WDR90: variants seen among roughly 807,000 people sequenced by gnomAD.
The protein encoded by WDR90 is WD repeat domain 90.
In WDR90, 238 loss-of-function variants were observed where a neutral mutation model predicts 195.2. The ratio of observed to expected loss-of-function variants is 1.22; its 90% confidence interval spans 1.10 to 1.36. The LOEUF (loss-of-function observed/expected upper bound fraction) is 1.36, where lower values mean the gene tolerates loss of function less well. Among genes scored for constraint, WDR90 ranks in the 40% most tolerant of loss-of-function variants. The pLI, the probability that WDR90 is intolerant of heterozygous loss-of-function variation, is 0.00. For synonymous variants in WDR90, 1,265 were observed against 1,052.4 expected (o/e 1.20, Z -3.91); for missense variants, 2,734 against 2,439.5 (o/e 1.12, Z -2.54).
chr16:652,112 T>G (rs1371514112), intron 9 of WDR90, 73 bp downstream of exon 9: 15 of 1,482,752 alleles, frequency 1.0e-5, no homozygotes, highest in African/African-American at 1.4e-5. Context: ...CGCCCCGAGA[T>G]GCATTCAGAA....
rs8062685 is a variant in WDR90, at chr16:661,582, C to G, written c.3674-15C>G. On this transcript the variant is annotated splice_polypyrimidine_tract_variant and intron_variant, in intron 30 of 40. Coordinates refer to ENST00000293879, the MANE Select transcript of WDR90 (RefSeq NM_145294.5). ...CATCTGTGCACCTGACGTGGCTGCTCTGTGTCCTTCCCAGGGGACCACGAT... is the reference window on the plus strand; with the variant it reads ...CATCTGTGCACCTGACGTGGCTGCTGTGTGTCCTTCCCAGGGGACCACGAT... The G allele has an allele frequency of 0.43, 672,868 of 1,580,892 alleles. 162,501 individuals are homozygous for G. Among genetic ancestry groups the G allele is most frequent in the East Asian group, 0.97 (43,308 of 44,424 alleles).
intron 20 of WDR90, 175 bp downstream of exon 20, chr16:657,396 G>C (rs1020720192): frequency 9.2e-7 from 1 of 1,085,932 alleles, no homozygotes; most frequent in African/African-American, 1.6e-5. Flanking sequence ...GTGGTTTAGC[G>C]TTCACTGGAC....
intron 28 of WDR90, 80 bp from the exon 29 acceptor site, chr16:660,971 C>CCT: frequency 7.0e-6 from 3 of 426,480 alleles, no homozygotes; most frequent in South Asian, 4.0e-5. Context: ...GCCCCGCCCC[C>CCT]TGTTCGGCCC....
chr16:651,207 G>T lies in WDR90; in HGVS notation c.677G>T (p.Ser226Ile). 1.2e-6 allele frequency: 2 copies of T among 1,613,200 alleles called. No homozygotes were observed. Among genetic ancestry groups the T allele is most frequent in the African/African-American group, 2.7e-5 (2 of 75,054 alleles). The change falls in exon 7 of 41, where the codon AGT becomes ATT. Residue 226 changes from serine (S) to isoleucine (I), a missense_variant. Transcript: ENST00000293879. ...TCCCTCTGCCTGCCAAGGTTTCCAA[G>T]TGAGAGCTTGAAAGTGCCTTCCAAG... ...HDRYIHVRFPSESLKVPSKPI... is the reference protein window; with the variant it reads ...HDRYIHVRFPIESLKVPSKPI...
At chr16:649,925 G>C in intron 2 of WDR90, 66 bp from the exon 3 acceptor site, 1 of 1,602,706 alleles carries the variant, frequency 6.2e-7, no homozygotes. Context: ...CCGCCCCCGA[G>C]GGCCCCCTCG....
At chr16:649,686 C>T (rs1351844530) in intron 1 of WDR90, 77 bp from the exon 2 acceptor site, 4 of 1,388,386 alleles carry the variant, frequency 2.9e-6, no homozygotes, top group Non-Finnish European at 3.8e-6. Context: ...GCCTGGTCCC[C>T]GAGGCCCGGC....
intron 19 of WDR90, 69 bp from the exon 20 acceptor site, chr16:657,022 G>T: frequency 1.3e-6 from 2 of 1,573,116 alleles, no homozygotes; most frequent in Non-Finnish European, 1.7e-6. Flanking sequence ...TGGTTGGCTG[G>T]AGGTCGAGGG....
At chr16:663,207 G>A (rs1041551114) in intron 34 of WDR90, 2 of 370,580 alleles carry the variant, frequency 5.4e-6, no homozygotes, top group Middle Eastern at 5.3e-4. Context: ...GGAGGCCAAG[G>A]CAGGTGGATC....
intron 9 of WDR90, 64 bp downstream of exon 9, chr16:652,103 G>T (rs73487423): frequency 6.7e-7 from 1 of 1,486,976 alleles, no homozygotes; most frequent in South Asian, 1.2e-5. Flanking sequence ...CTGGTAGCCC[G>T]CCCCGAGATG....
intron 17 of WDR90, 176 bp from the exon 18 acceptor site, chr16:656,126 G>C: frequency 1.3e-6 from 1 of 767,976 alleles, no homozygotes; most frequent in Non-Finnish European, 2.1e-6. Flanking sequence ...CCCTCAGCCT[G>C]GGTCCCGCCT....
Position 653,629 on chromosome 16 carries a change from G to T in WDR90, c.1338G>T (p.Leu446Phe). The change falls in exon 12 of 41, where the codon TTG (leucine) becomes TTT (phenylalanine). Residue 446 changes from leucine (L) to phenylalanine (F), a missense_variant. Transcript: ENST00000293879. The stretch of plus-strand genomic sequence containing the variant: ...GGGACTTCCAGACCGGGCGGTGCTT[G>T]TGCCTGTTCCGGAGCCCAATGCACG... The part of the protein sequence containing the change: ...RLWDFQTGRC[L>F]CLFRSPMHVV... 2 of 1,613,570 alleles carry T rather than the reference G, an allele frequency of 1.2e-6. No individual in the cohort carries two copies. Among genetic ancestry groups the T allele is most frequent in the South Asian group, 1.1e-5 (1 of 91,092 alleles).
chr16:658,718 C>G (rs1264412573), intron 23 of WDR90, 65 bp downstream of exon 23: 7 of 1,580,946 alleles, frequency 4.4e-6, no homozygotes, highest in Admixed American at 3.5e-5. Context: ...CCTGGAGACC[C>G]CTGCAGGTGT....
intron 34 of WDR90, 39 bp downstream of exon 34, chr16:662,883 A>C: frequency 6.5e-7 from 1 of 1,536,414 alleles, no homozygotes; most frequent in South Asian, 1.2e-5. Flanking sequence ...GGGGCAGCCG[A>C]ACCTGGTGCC....
chr16:655,802 G>C lies in WDR90; in HGVS notation c.1879G>C (p.Val627Leu), dbSNP rs779040362. The C allele has an allele frequency of 1.3e-6, 2 of 1,590,900 alleles. No individual in the cohort carries two copies. Among genetic ancestry groups the C allele is most frequent in the Non-Finnish European group, 1.7e-6 (2 of 1,170,220 alleles). Residue 627 changes from valine (V) to leucine (L), a missense_variant, in exon 17 of 41, where the codon GTC becomes CTC. By Grantham distance (32) the Val-to-Leu change is conservative. Transcript: ENST00000293879. ...GPGIAISSLS[V>L]SPAMCAVGSE... The stretch of plus-strand genomic sequence containing the variant: ...CGGCATTGCCATCAGCAGCCTCAGC[G>C]TCTCCCCGGCCATGTGTGCTGTGGG...
rs1301134299 is a variant in WDR90, at chr16:651,091, A to AAGC, written c.656_657insAGC (p.Tyr219delinsTer). 6.2e-7 allele frequency: 1 copy of AAGC among 1,613,412 alleles called. No homozygotes were observed. The highest frequency in any genetic ancestry group is 8.5e-7 in the Non-Finnish European group (1 of 1,179,928). ...AAGGGAGAGAGCTGGCATGACCGCT[A>AAGC]CATCCACGTCCGGTGAGTGGTTCTG... is the stretch of plus-strand genomic sequence containing the variant. On this transcript the variant is annotated stop_gained, in exon 6 of 41. Coordinates refer to ENST00000293879, the MANE Select transcript of WDR90 (RefSeq NM_145294.5). LOFTEE classifies it high-confidence loss of function.
intron 10 of WDR90, 133 bp downstream of exon 10, chr16:652,668 G>A (rs950841223): frequency 1.1e-5 from 11 of 970,954 alleles, no homozygotes; most frequent in African/African-American, 1.7e-5. Context: ...CTGGCACAGC[G>A]GTCCCGTCCC....
In WDR90 at chr16:659,106, C is replaced by G; in HGVS notation, c.3032C>G (p.Ala1011Gly). Reference protein sequence around the residue: ...PTESDQSFPGAPPACKTGPGA... With the variant: ...PTESDQSFPGGPPACKTGPGA... ...TCCAGCGACCAAAGCTTCCCCGGGG[C>G]CCCCCCAGCCTGCAAGACAGGTGAG... The change falls in exon 25 of 41, where the codon GCC becomes GGC. Residue 1011 changes from alanine to glycine, a missense_variant. Physicochemically the swap from Ala to Gly is moderately conservative, Grantham distance 60. Transcript: ENST00000293879. 2 of 1,610,872 alleles carry G rather than the reference C, an allele frequency of 1.2e-6. No individual in the cohort carries two copies. The highest frequency in any genetic ancestry group is 1.7e-6 in the Non-Finnish European group (2 of 1,179,680).
chr16:654,844 G>C, intron 13 of WDR90, 185 bp from the exon 14 acceptor site: 1 of 607,990 alleles, frequency 1.6e-6, no homozygotes, highest in East Asian at 2.8e-5. Flanking sequence ...CTCTGTAGAA[G>C]TCCCAAAGCT....
rs1567215093 is a variant in WDR90 at position 653,353 on chromosome 16, C to G, written c.1135C>G (p.Pro379Ala). 2 of 1,568,740 alleles carry G rather than the reference C, an allele frequency of 1.3e-6. No homozygotes were observed. Among genetic ancestry groups the G allele is most frequent in the Non-Finnish European group, 1.7e-6 (2 of 1,158,554 alleles). The change falls in exon 11 of 41, where the codon CCA (proline) becomes GCA (alanine). Residue 379 changes from proline to alanine, a missense_variant. Pro to Ala is a conservative substitution (Grantham distance 27, BLOSUM62 -1). Coordinates refer to ENST00000293879, the MANE Select transcript of WDR90 (RefSeq NM_145294.5). ...CCCCTTGTGCCAGGCCCTGTGGACCCCAGACGGGGCGGCTGTCGTGTACCC... is the reference window on the plus strand; with the variant it reads ...CCCCTTGTGCCAGGCCCTGTGGACCGCAGACGGGGCGGCTGTCGTGTACCC... Reference protein sequence around the residue: ...GHGTRQALWTPDGAAVVYPCH... With the variant: ...GHGTRQALWTADGAAVVYPCH...
Sources: allele counts gnomAD v4.1 joint callset, GRCh38; gene constraint gnomAD v4.1.1; transcripts MANE v1.5; gene names NCBI Gene and HGNC (gene_info 2026-07-23, HGNC 2026-07-21).